The following LPIN1 variants were observed in gnomAD, a reference collection of about 807,000 sequenced individuals.
LPIN1 encodes phosphatidate phosphatase LPIN1.
A neutral mutation model predicts 107.5 loss-of-function variants in LPIN1; 71 were observed. The observed-to-expected ratio is 0.66, with a 90% CI of 0.55 to 0.80. LPIN1 has a LOEUF of 0.80. LPIN1 is among the 30% of genes least tolerant of loss of function. LPIN1 has a pLI of 0.00. For synonymous variants in LPIN1, 445 were observed against 452.6 expected, an observed-to-expected ratio of 0.98 and a Z score of 0.21; for missense variants, 1,043 against 1,160.6, an observed-to-expected ratio of 0.90 and a Z score of 1.47.
At chr2:11,810,848 C>T (rs1370733320) in intron 17 of LPIN1, among the ~76,000 whole-genome samples, 1 of 152,192 alleles carries the variant, frequency 6.6e-6, no homozygotes, top group Non-Finnish European at 1.5e-5. Context: ...CGAAGGTAAT[C>T]TTTCCAAACT....
chr2:11,688,154 C>T (rs1016503617), intron 1 of LPIN1, among the ~76,000 whole-genome samples: 14 of 152,210 alleles, frequency 9.2e-5, no homozygotes, highest in African/African-American at 3.4e-4. Context: ...AAAATATCTG[C>T]AGGTCCCTGT....
In LPIN1 at chr2:11,773,604, T is replaced by G. The variant is rs1230431116; in HGVS notation, c.597-16T>G. The G allele has an allele frequency of 6.2e-7, 1 of 1,605,282 alleles. No homozygotes were observed. The highest frequency in any genetic ancestry group is 1.3e-5 in the African/African-American group (1 of 74,666). On this transcript the variant is annotated splice_polypyrimidine_tract_variant and intron_variant, in intron 4 of 20. Transcript: ENST00000674199. ...TTAAGAATTCTTTGACTTTAATCTT[T>G]TTTTTTTTCCTCCAGAACTCTTCCT...
At chr2:11,796,292 C>T (rs1676702538) in intron 14 of LPIN1, among the ~76,000 whole-genome samples, 1 of 152,186 alleles carries the variant, frequency 6.6e-6, no homozygotes, top group African/African-American at 2.4e-5. Context: ...AAGTGTTGCT[C>T]AACCGTCACT....
chr2:11,758,437 G>C (rs1669012259), intron 1 of LPIN1, among the ~76,000 whole-genome samples: 1 of 152,106 alleles, frequency 6.6e-6, no homozygotes, highest in Admixed American at 6.5e-5. Flanking sequence ...GTTATATTCT[G>C]TCTTTTTTTT....
At chr2:11,779,437 T>C (rs1572768468) in intron 6 of LPIN1, 82 bp from the exon 7 acceptor site, 4 of 1,450,944 alleles carry the variant, frequency 2.8e-6, no homozygotes, top group Admixed American at 1.7e-5. Flanking sequence ...TTTTCTGGGC[T>C]ATTTGAGCCA....
At chr2:11,770,508 G>A (rs1671669408) in intron 3 of LPIN1, among the ~76,000 whole-genome samples, 2 of 152,146 alleles carry the variant, frequency 1.3e-5, no homozygotes, top group African/African-American at 2.4e-5. Flanking sequence ...TCCAGCAGCC[G>A]GGTGAGATGA....
intron 2 of LPIN1, among the ~76,000 whole-genome samples, chr2:11,766,258 T>C (rs73917124): frequency 0.019 from 2,856 of 152,224 alleles, 89 homozygotes; most frequent in African/African-American, 0.064. Context: ...GCAAGCCACA[T>C]GGCGTCACGT....
intron 1 of LPIN1, among the ~76,000 whole-genome samples, chr2:11,692,139 A>G (rs1218783318): frequency 6.6e-6 from 1 of 152,258 alleles, no homozygotes; most frequent in African/African-American, 2.4e-5. Flanking sequence ...AAGTCCACAC[A>G]CTGAACATAC....
intron 18 of LPIN1, chr2:11,818,162 T>C (rs1680916163): frequency 6.6e-6 from 1 of 152,204 alleles, no homozygotes; most frequent in African/African-American, 2.4e-5. Context: ...CCTGGCTTTC[T>C]GCTCGTTTTC....
intron 1 of LPIN1, among the ~76,000 whole-genome samples, chr2:11,711,572 T>C (rs13036247): frequency 0.42 from 63,318 of 151,992 alleles, 14,661 homozygotes; most frequent in South Asian, 0.55. Context: ...TAGTGAATGA[T>C]ATAATCATCT....
chr2:11,796,133 A>C (rs1473995013), intron 14 of LPIN1, among the ~76,000 whole-genome samples: 1 of 152,174 alleles, frequency 6.6e-6, no homozygotes, highest in East Asian at 1.9e-4. Flanking sequence ...TTCTTACTTC[A>C]TGTTTACAGT....
chr2:11,711,086 T>C (rs1323387810), intron 1 of LPIN1, among the ~76,000 whole-genome samples: 1 of 152,228 alleles, frequency 6.6e-6, no homozygotes, highest in African/African-American at 2.4e-5. Flanking sequence ...CCAAACACTG[T>C]GAATTTAAAC....
intron 1 of LPIN1, among the ~76,000 whole-genome samples, chr2:11,735,480 A>C (rs1665703631): frequency 6.6e-6 from 1 of 152,158 alleles, no homozygotes; most frequent in South Asian, 2.1e-4. Context: ...AATCTAGGAG[A>C]TTGACAATAA....
upstream of LPIN1, chr2:11,677,588 G>C: frequency 7.8e-7 from 1 of 1,287,198 alleles, no homozygotes; most frequent in African/African-American, 1.5e-5. Context: ...CGGTGTTGCC[G>C]GGGGACATTT....
chr2:11,810,803 G>A (rs1679515510), intron 17 of LPIN1, among the ~76,000 whole-genome samples: 1 of 152,200 alleles, frequency 6.6e-6, no homozygotes, highest in Admixed American at 6.5e-5. Context: ...TGTCAGTGTT[G>A]AGAAACTGCA....
intron 14 of LPIN1, among the ~76,000 whole-genome samples, chr2:11,798,695 T>G (rs562001392): frequency 1.7e-3 from 251 of 152,044 alleles, no homozygotes; most frequent in African/African-American, 5.9e-3. Context: ...GAATATAAAG[T>G]TCTCTTGAAA....
chr2:11,826,996 A>C lies in LPIN1; in HGVS notation c.*2205A>C, dbSNP rs1018652917. ...ATTTGTATATGGGCTGCACTCACGC[A>C]TATACGAGTTGGTTTATCTTTGTGT... On this transcript the variant is annotated 3_prime_UTR_variant, in exon 21 of 21. Coordinates refer to ENST00000674199, the MANE Select transcript of LPIN1 (RefSeq NM_001349206.2). The C allele has an allele frequency of 6.6e-6, 1 of 152,668 alleles. No homozygotes were observed. The highest frequency in any genetic ancestry group is 1.9e-4 in the East Asian group (1 of 5,200). 9.5% of individuals were successfully genotyped at this position (152,668 alleles called of 1,614,324 possible).
At chr2:11,726,168 C>T (rs545962566) in intron 1 of LPIN1, among the ~76,000 whole-genome samples, 3 of 152,264 alleles carry the variant, frequency 2.0e-5, no homozygotes, top group African/African-American at 4.8e-5. Context: ...AGCTGCTGCC[C>T]GGCATATGAA....
rs138567943 is a variant in LPIN1, at chr2:11,784,431, G to A, written c.1359-455G>A. On this transcript the variant is annotated intron_variant, in intron 9 of 20. Transcript: ENST00000674199. ...CGGCGCCCCACCTCTGGACAGGGGCGCAGCACCGGGCTGCCCTCCCTGCAA... is the reference window on the plus strand; with the variant it reads ...CGGCGCCCCACCTCTGGACAGGGGCACAGCACCGGGCTGCCCTCCCTGCAA... The A allele has an allele frequency of 5.7e-5, 63 of 1,113,062 alleles. No homozygotes were observed. In the East Asian group the frequency reaches 2.6e-3, roughly 47 times the overall value. The allele number at this position is 1,113,062 out of a possible 1,614,324, so 68.9% of individuals were successfully genotyped here.
Sources: gnomAD v4.1 joint callset for allele counts (sites outside exome capture counted in the v4.1 genomes callset) on GRCh38, gnomAD v4.1.1 for gene constraint, MANE v1.5 for transcripts, NCBI Gene and HGNC (gene_info 2026-07-23, HGNC 2026-07-21) for gene names.